The following SAP130 variants were observed in gnomAD, a reference collection of about 807,000 sequenced individuals.
The protein encoded by SAP130 is histone deacetylase complex subunit SAP130.
Under a neutral mutation model 103.2 loss-of-function variants are expected in SAP130, and 16 were observed. That is an observed-to-expected ratio of 0.16 (90% CI 0.10 to 0.24). The LOEUF is 0.24. Among genes scored for constraint, SAP130 ranks in the 10% least tolerant of loss-of-function variants. The pLI is 1.00. For missense variants in SAP130, 990 were observed against 1,359.7 expected, an observed-to-expected ratio of 0.73 and a Z score of 4.28; for synonymous variants, 477 against 497.0, an observed-to-expected ratio of 0.96 and a Z score of 0.53.
intron 15 of SAP130, among the ~76,000 whole-genome samples, chr2:127,959,187 T>C (rs1486708867): frequency 6.6e-6 from 1 of 152,134 alleles, no homozygotes; most frequent in East Asian, 1.9e-4. Flanking sequence ...CGGCAGTCAG[T>C]TCCCTGGATT....
intron 15 of SAP130, among the ~76,000 whole-genome samples, 161 bp downstream of exon 15, chr2:127,977,824 G>A (rs992425446): frequency 4.6e-5 from 7 of 151,616 alleles, no homozygotes; most frequent in Non-Finnish European, 1.0e-4. Flanking sequence ...CAAGGCTGTC[G>A]TGTGTTACAA....
intron 13 of SAP130, among the ~76,000 whole-genome samples, chr2:127,988,279 C>T (rs1257661242): frequency 6.6e-6 from 1 of 151,542 alleles, no homozygotes; most frequent in Non-Finnish European, 1.5e-5. Flanking sequence ...AAATAATTAC[C>T]CAGGTGTGGT....
chr2:128,014,224 GA>G (rs1684601714), intron 5 of SAP130, among the ~76,000 whole-genome samples: 1 of 141,478 alleles, frequency 7.1e-6, no homozygotes, highest in Non-Finnish European at 1.6e-5. Context: ...ACTGTCTTGC[GA>G]TTTTTTTTCT....
chr2:127,982,069 T>C (rs1478229397), intron 14 of SAP130, among the ~76,000 whole-genome samples: 1 of 151,964 alleles, frequency 6.6e-6, no homozygotes, highest in African/African-American at 2.4e-5. Flanking sequence ...TATACATGCG[T>C]CTGTGACATT....
chr2:127,966,094 G>C (rs1181459115), intron 15 of SAP130, among the ~76,000 whole-genome samples: 1 of 152,142 alleles, frequency 6.6e-6, no homozygotes, highest in Non-Finnish European at 1.5e-5. Flanking sequence ...TGTAACCACA[G>C]CACTTTGGGA....
intron 7 of SAP130, 61 bp downstream of exon 7, chr2:128,010,208 G>T: frequency 1.3e-6 from 2 of 1,531,438 alleles, no homozygotes; most frequent in Non-Finnish European, 1.8e-6. Flanking sequence ...AGGAACGAAA[G>T]AAAAAAGAGT....
In SAP130 at chr2:127,970,535, C is replaced by G. The variant is rs1359533598; in HGVS notation, c.2063+7450G>C. Among the ~76,000 whole-genome samples, 6 of 84,612 alleles carry G rather than the reference C, an allele frequency of 7.1e-5. No individual in the cohort carries two copies. In the South Asian group the frequency reaches 2.2e-3, roughly 31 times the overall value. 55.5% of individuals were successfully genotyped at this position (84,612 alleles called of 152,430 possible). On this transcript the variant is annotated intron_variant, in intron 15 of 20. Transcript: ENST00000643581. ...CAGCCTGGCGACAGAGAGCAAGACT[C>G]TGTCTTAAAAAAAAAAAAAAAAAAA...
At chr2:127,990,939 A>G (rs868057475) in intron 12 of SAP130, among the ~76,000 whole-genome samples, 5 of 17,878 alleles carry the variant, frequency 2.8e-4, no homozygotes, top group African/African-American at 5.1e-4. Context: ...AGACTGTCTC[A>G]AAAAAAAAAA....
rs1293532018 is a variant in SAP130, at chr2:127,955,373, C to A, written c.2064-29G>T. On this transcript the variant is annotated intron_variant, in intron 15 of 20. Transcript: ENST00000643581. This position sits in a 1 kb window ranked among gnomAD's most constrained non-coding sequence, Gnocchi z 4.9. ...AAACACAAAAGAAAAGCACATGTAG[C>A]AAATAAGAAAAAAACTGCCTTCATC... 2.7e-6 allele frequency: 4 copies of A among 1,488,568 alleles called. No individual in the cohort carries two copies. Among genetic ancestry groups the A allele is most frequent in the Non-Finnish European group, 2.7e-6 (3 of 1,105,830 alleles). The allele number at this position is 1,488,568 out of a possible 1,614,324, so 92.2% of individuals were successfully genotyped here.
intron 10 of SAP130, 121 bp downstream of exon 10, chr2:127,999,620 A>AG: frequency 7.7e-6 from 4 of 519,104 alleles, no homozygotes; most frequent in Non-Finnish European, 1.3e-5. Context: ...AGAAAAGAAA[A>AG]AAAAAAAAAA....
intron 14 of SAP130, among the ~76,000 whole-genome samples, chr2:127,983,455 C>G (rs1359924013): frequency 1.3e-5 from 2 of 152,118 alleles, no homozygotes; most frequent in African/African-American, 4.8e-5. Context: ...TGAGGCATGA[C>G]AAGGACACCC....
At chr2:127,944,570 C>T (rs138293013) in intron 19 of SAP130, among the ~76,000 whole-genome samples, 5,297 of 152,024 alleles carry the variant, frequency 0.035, 294 homozygotes, top group African/African-American at 0.12. Flanking sequence ...GCTGGCATTA[C>T]AGGCGCCTGC....
chr2:127,994,918 T>C (rs1683066429), intron 11 of SAP130, among the ~76,000 whole-genome samples: 1 of 152,238 alleles, frequency 6.6e-6, no homozygotes, highest in South Asian at 2.1e-4. Context: ...TATAAACATT[T>C]AGAGCTAACA....
In SAP130 at chr2:127,963,458, G is replaced by A. The variant is rs182426115; in HGVS notation, c.2064-8114C>T. Among the ~76,000 whole-genome samples the A allele has an allele frequency of 1.3e-3, 195 of 152,260 alleles. 2 individuals are homozygous for A. The highest frequency in any genetic ancestry group is 4.3e-3 in the African/African-American group (177 of 41,554). On this transcript the variant is annotated intron_variant, in intron 15 of 20. Transcript: ENST00000643581. ...TTGCCCAAGCCGGTCTCGAACTCCT[G>A]GGTTAGAAGCAATCTGCCCACCTTG...
intron 6 of SAP130, 136 bp downstream of exon 6, chr2:128,012,894 T>C: frequency 2.6e-6 from 2 of 779,748 alleles, no homozygotes; most frequent in Non-Finnish European, 3.8e-6. Context: ...GCTTGCCACA[T>C]GACACTGTGC....
At chr2:127,968,415 T>TTTTG (rs1559051472) in intron 15 of SAP130, among the ~76,000 whole-genome samples, 3 of 126,514 alleles carry the variant, frequency 2.4e-5, no homozygotes, top group Non-Finnish European at 3.2e-5. Context: ...CCGGAGTTGG[T>TTTTG]TTTTTTTTTT....
chr2:128,025,814 C>T (rs1361295757), intron 2 of SAP130, among the ~76,000 whole-genome samples: 1 of 152,142 alleles, frequency 6.6e-6, no homozygotes, highest in East Asian at 1.9e-4. Context: ...CCTTTGTTTT[C>T]CACTTCTTTT....
At chr2:127,999,444 A>G (rs572286078) in intron 10 of SAP130, among the ~76,000 whole-genome samples, 1 of 152,154 alleles carries the variant, frequency 6.6e-6, no homozygotes, top group South Asian at 2.1e-4. Context: ...TCTACTAAAA[A>G]TACAAAAAAA....
chr2:127,983,108 A>T (rs1011006122), intron 14 of SAP130, among the ~76,000 whole-genome samples: 12 of 152,168 alleles, frequency 7.9e-5, no homozygotes, highest in Non-Finnish European at 1.8e-4. Context: ...CACTATCACT[A>T]AAAAGTGCCA....
Sources: gnomAD v4.1 joint callset for allele counts (sites outside exome capture counted in the v4.1 genomes callset) on GRCh38, gnomAD v4.1.1 for gene constraint, Gnocchi (gnomAD v3.1) non-coding constraint, MANE v1.5 for transcripts, NCBI Gene and HGNC (gene_info 2026-07-23, HGNC 2026-07-21) for gene names.